C1orf198: variants seen among roughly 807,000 people sequenced by gnomAD.
C1orf198 encodes uncharacterized protein C1orf198.
A neutral mutation model predicts 31.4 loss-of-function variants in C1orf198; 17 were observed. The ratio of observed to expected loss-of-function variants is 0.54; its 90% CI spans 0.37 to 0.81. The LOEUF (loss-of-function observed/expected upper bound fraction) is 0.81. Among genes scored for constraint, C1orf198 ranks in the 40% least tolerant of loss-of-function variants. The pLI is 0.00. For missense variants in C1orf198, 401 were observed against 450.3 expected (o/e 0.89, Z 0.99); for synonymous variants, 175 against 193.8 (o/e 0.90, Z 0.81).
In C1orf198 at chr1:230,856,774, C is replaced by T. The variant is rs573873796; in HGVS notation, c.334-1056G>A. ...CTAAAATGGGATAAAATATTTTAAA[C>T]GGAGATCATATCCATATCTCCCCAA... On this transcript the variant is annotated intron_variant, in intron 1 of 3. Coordinates refer to ENST00000366663, the MANE Select transcript of C1orf198 (RefSeq NM_032800.3). Among the ~76,000 whole-genome samples, 9 of 152,162 alleles carry T rather than the reference C, an allele frequency of 5.9e-5. No homozygotes were observed. The South Asian group carries it at 1.0e-3, about 17-fold the overall frequency.
intron 2 of C1orf198, among the ~76,000 whole-genome samples, chr1:230,855,361 C>G (rs964377640): frequency 2.6e-5 from 4 of 152,250 alleles, no homozygotes; most frequent in Non-Finnish European, 4.4e-5. Flanking sequence ...GACAGGGCCC[C>G]CAAGAGGGCT....
Position 230,863,291 on chromosome 1 carries a change from G to T in C1orf198, c.333+4889C>A, listed in dbSNP as rs1000686614. Among the ~76,000 whole-genome samples, 69 of 152,286 alleles carry T rather than the reference G, an allele frequency of 4.5e-4. 1 individual carries two copies. The highest frequency in any genetic ancestry group is 1.7e-3 in the African/African-American group (69 of 41,546). On this transcript the variant is annotated intron_variant, in intron 1 of 3. Transcript: ENST00000366663. ...TTACAGCAAAACAAAAACTCAGCATGAGCATGGTAATGGAAACAGGATACA... is the reference window on the plus strand; with the variant it reads ...TTACAGCAAAACAAAAACTCAGCATTAGCATGGTAATGGAAACAGGATACA...
intron 1 of C1orf198, among the ~76,000 whole-genome samples, chr1:230,856,870 C>T (rs376559662): frequency 3.3e-5 from 5 of 152,172 alleles, no homozygotes; most frequent in Admixed American, 1.3e-4. Flanking sequence ...ATAGGTACAC[C>T]GACTCTGCGC....
chr1:230,848,597 C>G (rs1669652781), intron 2 of C1orf198, among the ~76,000 whole-genome samples: 1 of 152,124 alleles, frequency 6.6e-6, no homozygotes, highest in South Asian at 2.1e-4. Context: ...GATGGACACC[C>G]CAAATACCCT....
chr1:230,846,710 C>T (rs1333077426), intron 2 of C1orf198, among the ~76,000 whole-genome samples: 5 of 152,244 alleles, frequency 3.3e-5, no homozygotes, highest in African/African-American at 4.8e-5. Flanking sequence ...CGCCTGTAAT[C>T]CCAGCACTTT....
chr1:230,865,847 G>A (rs1670107948), intron 1 of C1orf198, among the ~76,000 whole-genome samples: 1 of 152,222 alleles, frequency 6.6e-6, no homozygotes, highest in Non-Finnish European at 1.5e-5. Flanking sequence ...GTATTTGCAT[G>A]CTCTGACTTA....
At chr1:230,850,066 G>T (rs1365295750) in intron 2 of C1orf198, among the ~76,000 whole-genome samples, 1 of 152,230 alleles carries the variant, frequency 6.6e-6, no homozygotes. Flanking sequence ...AGGTGCACCA[G>T]TCCCCAGGGT....
chr1:230,849,728 A>G (rs898736073), intron 2 of C1orf198, among the ~76,000 whole-genome samples: 1 of 152,254 alleles, frequency 6.6e-6, no homozygotes, highest in African/African-American at 2.4e-5. Context: ...CCTCGGACAG[A>G]TCTAAATTGT....
At chr1:230,848,180 A>T (rs989709190) in intron 2 of C1orf198, among the ~76,000 whole-genome samples, 2 of 152,194 alleles carry the variant, frequency 1.3e-5, no homozygotes, top group Non-Finnish European at 2.9e-5. Context: ...GCTAGAGAAG[A>T]GGGCTTTGCT....
rs114732576 is a variant in C1orf198, at chr1:230,864,051, T to C, written c.333+4129A>G. Among the ~76,000 whole-genome samples the C allele has an allele frequency of 8.3e-4, 126 of 152,284 alleles. 1 individual carries two copies. Among genetic ancestry groups the C allele is most frequent in the African/African-American group, 2.9e-3 (120 of 41,556 alleles). ...GGGGATGAGGAAACTTCATGTGTCATTGGTCCTGCATTGAGAGGCCACACA... is the reference window on the plus strand; with the variant it reads ...GGGGATGAGGAAACTTCATGTGTCACTGGTCCTGCATTGAGAGGCCACACA... On this transcript the variant is annotated intron_variant, in intron 1 of 3. Coordinates refer to ENST00000366663, the MANE Select transcript of C1orf198 (RefSeq NM_032800.3).
chr1:230,843,592 C>T lies in C1orf198; in HGVS notation c.689G>A (p.Arg230Gln), dbSNP rs768003492. 9.3e-6 allele frequency: 15 copies of T among 1,614,074 alleles called. No individual in the cohort carries two copies. The highest frequency in any genetic ancestry group is 3.3e-5 in the South Asian group (3 of 91,088). Reference sequence around the variant, plus strand: ...CCTGTCCTTCGGGGCAGGTTCCTGCCGGTAGCAGGGAGGCAAGACCTTTTC... The same window carrying T: ...CCTGTCCTTCGGGGCAGGTTCCTGCTGGTAGCAGGGAGGCAAGACCTTTTC... ...KGEKVLPPCY[R>Q]QEPAPKDREA... is the part of the protein sequence containing the mutation. Residue 230 changes from arginine (R) to glutamine (Q), a missense_variant, in exon 3 of 4, where the codon CGG (arginine) becomes CAG (glutamine). Transcript: ENST00000366663. The surrounding 1 kb of genome is among the most constrained non-coding windows in gnomAD (Gnocchi z 4.9).
intron 2 of C1orf198, among the ~76,000 whole-genome samples, chr1:230,846,603 G>A (rs1414427281): frequency 6.6e-6 from 1 of 152,218 alleles, no homozygotes; most frequent in African/African-American, 2.4e-5. Context: ...ATGAGATCAC[G>A]AGGCCATGAA....
At chr1:230,865,108 T>G (rs990931243) in intron 1 of C1orf198, among the ~76,000 whole-genome samples, 32 of 152,336 alleles carry the variant, frequency 2.1e-4, no homozygotes, top group African/African-American at 7.7e-4. Context: ...TGTCTGGGCC[T>G]GCTCCAAGCC....
At chr1:230,846,522 T>C (rs925131332) in intron 2 of C1orf198, among the ~76,000 whole-genome samples, 2 of 152,262 alleles carry the variant, frequency 1.3e-5, no homozygotes, top group Non-Finnish European at 2.9e-5. Flanking sequence ...GAGCGGCACA[T>C]GCTCTCTGAG....
At chr1:230,864,439 A>C (rs543022552) in intron 1 of C1orf198, among the ~76,000 whole-genome samples, 1 of 152,334 alleles carries the variant, frequency 6.6e-6, no homozygotes, top group Non-Finnish European at 1.5e-5. Flanking sequence ...AAAGGAAGCT[A>C]AGGCCAAGAG....
chr1:230,847,339 C>T (rs111483031), intron 2 of C1orf198, among the ~76,000 whole-genome samples: 1 of 151,838 alleles, frequency 6.6e-6, no homozygotes, highest in Non-Finnish European at 1.5e-5. Flanking sequence ...TGGTTAAAGA[C>T]AATGTAGATT....
intron 1 of C1orf198, among the ~76,000 whole-genome samples, chr1:230,861,165 C>T (rs1417034890): frequency 6.6e-6 from 1 of 152,126 alleles, no homozygotes; most frequent in African/African-American, 2.4e-5. Context: ...CCAAGAGCGA[C>T]CCCTAGTGTA....
At chr1:230,867,701 T>C (rs1011580193) in intron 1 of C1orf198, among the ~76,000 whole-genome samples, 1 of 152,148 alleles carries the variant, frequency 6.6e-6, no homozygotes, top group Admixed American at 6.5e-5. Context: ...TTAGTATATA[T>C]CATTTGCTCA....
chr1:230,856,007 T>G (rs1669861111), intron 1 of C1orf198: 1 of 1,189,824 alleles, frequency 8.4e-7, no homozygotes, highest in African/African-American at 1.6e-5. Context: ...TGAGTAGGAG[T>G]GGATGAGGGC....
Sources: gnomAD v4.1 joint callset for allele counts (sites outside exome capture counted in the v4.1 genomes callset) on GRCh38, gnomAD v4.1.1 for gene constraint, Gnocchi (gnomAD v3.1) non-coding constraint, MANE v1.5 for transcripts, NCBI Gene and HGNC (gene_info 2026-07-23, HGNC 2026-07-21) for gene names.